NEDD9: variants seen among roughly 807,000 people sequenced by gnomAD.
The protein encoded by NEDD9 is enhancer of filamentation 1.
NEDD9 carries 26 observed loss-of-function variants against 76.6 expected under a neutral mutation model. That is an observed-to-expected ratio of 0.34 (90% confidence interval 0.25 to 0.47). The LOEUF is 0.47. NEDD9 is among the 20% of genes least tolerant of loss of function. The pLI is 1.00. For missense variants in NEDD9, 937 were observed against 1,058.5 expected (o/e 0.89, Z 1.59); for synonymous variants, 392 against 414.2 (o/e 0.95, Z 0.65).
In NEDD9 at chr6:11,241,572, A is replaced by G. The variant is rs1759707742; in HGVS notation, c.13-27845T>C. 6.6e-6 allele frequency among the ~76,000 whole-genome samples: 1 copy of G among 152,182 alleles called. No individual in the cohort carries two copies. The highest frequency in any genetic ancestry group is 2.4e-5 in the African/African-American group (1 of 41,438). On this transcript the variant is annotated intron_variant, in intron 3 of 3. Transcript: ENST00000397378. This position sits in a 1 kb window ranked among gnomAD's most constrained non-coding sequence, Gnocchi z 4.0. ...CAGCGCACACTGGCCTCCGGAAGCC[A>G]TCTTCCACACCAGCCATCCAGCATA... is the stretch of plus-strand genomic sequence containing the variant.
At chr6:11,285,582 A>T (rs191447146) in intron 3 of NEDD9, among the ~76,000 whole-genome samples, 147 of 152,336 alleles carry the variant, frequency 9.6e-4, no homozygotes, top group Non-Finnish European at 4.9e-4. Flanking sequence ...TCTTTATAAA[A>T]GAAGAACAAA....
At chr6:11,214,798 A>T (rs1240825928) in intron 1 of NEDD9, among the ~76,000 whole-genome samples, 1 of 152,186 alleles carries the variant, frequency 6.6e-6, no homozygotes, top group African/African-American at 2.4e-5. Context: ...CGGAACACTA[A>T]AAGTGAACTC....
chr6:11,358,260 A>G (rs1762617583), intron 1 of NEDD9, among the ~76,000 whole-genome samples: 1 of 151,062 alleles, frequency 6.6e-6, no homozygotes, highest in South Asian at 2.1e-4. Flanking sequence ...AAAAAAAAAA[A>G]AAAAAAAAAA....
chr6:11,245,524 G>T (rs1349211669), intron 3 of NEDD9, among the ~76,000 whole-genome samples: 2 of 152,100 alleles, frequency 1.3e-5, no homozygotes, highest in African/African-American at 4.8e-5. Context: ...CCAATATAAT[G>T]CTAGGCACCT....
At chr6:11,237,063 G>A (rs914290460), upstream of NEDD9, among the ~76,000 whole-genome samples, 1 of 152,000 alleles carries the variant, frequency 6.6e-6, no homozygotes, top group Non-Finnish European at 1.5e-5. This position sits in a 1 kb window ranked among gnomAD's most constrained non-coding sequence, Gnocchi z 4.9. Flanking sequence ...GTCAAGTTTG[G>A]CCTCAACACT....
chr6:11,191,997 C>G (rs965223852), intron 4 of NEDD9, among the ~76,000 whole-genome samples: 6 of 151,946 alleles, frequency 3.9e-5, no homozygotes, highest in Non-Finnish European at 8.8e-5. Context: ...AGAGCGAGAC[C>G]CTGTCTCAAA....
intron 6 of NEDD9, among the ~76,000 whole-genome samples, chr6:11,186,138 C>G (rs1757976793): frequency 6.6e-6 from 1 of 152,124 alleles, no homozygotes; most frequent in Non-Finnish European, 1.5e-5. Context: ...TCGACTATCT[C>G]AGGATGCTCA....
intron 1 of NEDD9, among the ~76,000 whole-genome samples, chr6:11,227,320 G>C (rs1289887906): frequency 1.3e-5 from 2 of 152,178 alleles, no homozygotes; most frequent in South Asian, 2.1e-4. Context: ...CATACAAAGA[G>C]AGCTGGAGCC....
At chr6:11,323,503 C>T (rs1761856193) in intron 2 of NEDD9, among the ~76,000 whole-genome samples, 1 of 152,204 alleles carries the variant, frequency 6.6e-6, no homozygotes, top group Admixed American at 6.5e-5. Context: ...GAGCATCTAG[C>T]AACGTCTGGA....
In NEDD9 at chr6:11,190,212, C is replaced by A. The variant is rs373356821; in HGVS notation, c.1657G>T (p.Ala553Ser). The A allele has an allele frequency of 4.3e-6, 7 of 1,614,062 alleles. No individual in the cohort carries two copies. In the African/African-American group the frequency reaches 8.0e-5, roughly 18 times the overall value. The change falls in exon 5 of 7, where the codon GCA becomes TCA. Residue 553 changes from alanine (A) to serine (S), a missense_variant. By Grantham distance (99) the Ala-to-Ser change is moderately conservative. Transcript: ENST00000379446. The surrounding 1 kb of genome is among the most constrained non-coding windows in gnomAD (Gnocchi z 5.8). ...GGGCCGGGTCTGAAGAGGGCCTCTGCGTTGGTGTTGATGGTTGTGGTGAGC... is the reference window on the plus strand; with the variant it reads ...GGGCCGGGTCTGAAGAGGGCCTCTGAGTTGGTGTTGATGGTTGTGGTGAGC... ...KQLTTTINTN[A>S]EALFRPGPGS...
Position 11,185,609 on chromosome 6 carries a change from C to T in NEDD9, c.2058G>A (p.Lys686=). The T allele has an allele frequency of 6.2e-7, 1 of 1,614,218 alleles. No homozygotes were observed. The highest frequency in any genetic ancestry group is 1.1e-5 in the South Asian group (1 of 91,090). Residue 686 remains lysine, a synonymous_variant, in exon 7 of 7, where the codon AAG becomes AAA. Coordinates refer to ENST00000379446, the MANE Select transcript of NEDD9 (RefSeq NM_006403.4). The part of the protein sequence containing the change: ...ITKPVENDIS[K]WKPSQSLPTT... Reference sequence around the variant, plus strand: ...TGGGTAGGCTCTGAGAGGGCTTCCACTTCGAGATGTCATTCTCCACGGGCT... The same window carrying T: ...TGGGTAGGCTCTGAGAGGGCTTCCATTTCGAGATGTCATTCTCCACGGGCT...
At chr6:11,379,838 T>G (rs1021555975) in intron 1 of NEDD9, among the ~76,000 whole-genome samples, 1 of 152,222 alleles carries the variant, frequency 6.6e-6, no homozygotes, top group African/African-American at 2.4e-5. Context: ...TTAGAGTAGC[T>G]TTAAGATCAG....
intron 3 of NEDD9, among the ~76,000 whole-genome samples, chr6:11,282,208 A>G (rs1760551184): frequency 6.6e-6 from 1 of 152,194 alleles, no homozygotes; most frequent in South Asian, 2.1e-4. Flanking sequence ...GTAGAGATTA[A>G]AAACGCCATC....
chr6:11,260,238 A>G (rs753602205), intron 3 of NEDD9, among the ~76,000 whole-genome samples: 2 of 152,198 alleles, frequency 1.3e-5, no homozygotes, highest in Non-Finnish European at 2.9e-5. Flanking sequence ...AGAGTAGAGA[A>G]TGTACATTGA....
chr6:11,261,959 C>G (rs1254379328), intron 3 of NEDD9, among the ~76,000 whole-genome samples: 2 of 152,180 alleles, frequency 1.3e-5, no homozygotes, highest in Admixed American at 1.3e-4. Context: ...ATAATTATTC[C>G]TAGTGGAAAC....
At chr6:11,235,073 A>C (rs534951216), upstream of NEDD9, among the ~76,000 whole-genome samples, 240 of 152,318 alleles carry the variant, frequency 1.6e-3, 1 homozygote, top group Non-Finnish European at 2.9e-3. The surrounding 1 kb of genome is among the most constrained non-coding windows in gnomAD (Gnocchi z 4.1). Context: ...AATACCTGCT[A>C]GCCTCATAAT....
At chr6:11,284,391 T>TAA (rs1168452567) in intron 3 of NEDD9, among the ~76,000 whole-genome samples, 2 of 70,236 alleles carry the variant, frequency 2.8e-5, no homozygotes, top group African/African-American at 5.1e-5. Flanking sequence ...CCGTCTCTAC[T>TAA]AAAAAAAAAA....
At chr6:11,262,395 C>G (rs111370731) in intron 3 of NEDD9, among the ~76,000 whole-genome samples, 3,781 of 152,322 alleles carry the variant, frequency 0.025, 153 homozygotes, top group African/African-American at 0.085. Context: ...CCACCCCATA[C>G]CCTCCCAGAC....
At position 11,237,778 on chromosome 6, in the gene NEDD9, G is replaced by A. The variant is rs540352785; in HGVS notation, c.13-24051C>T. 2.0e-4 allele frequency among the ~76,000 whole-genome samples: 31 copies of A among 152,180 alleles called. No homozygotes were observed. The East Asian group carries it at 2.9e-3, about 14-fold the overall frequency. Reference sequence around the variant, plus strand: ...ATTTGGTTGTCTCTAGAAGTTTGCCGACCCACACTCTAGATTAGTGCAAGG... The same window carrying A: ...ATTTGGTTGTCTCTAGAAGTTTGCCAACCCACACTCTAGATTAGTGCAAGG... On this transcript the variant is annotated intron_variant, in intron 3 of 3. Transcript: ENST00000397378. The surrounding 1 kb of genome is among the most constrained non-coding windows in gnomAD (Gnocchi z 4.9).
Sources: allele counts gnomAD v4.1 joint callset (sites outside exome capture counted in the v4.1 genomes callset), GRCh38; gene constraint gnomAD v4.1.1; non-coding constraint Gnocchi (gnomAD v3.1); transcripts MANE v1.5; gene names NCBI Gene and HGNC (gene_info 2026-07-23, HGNC 2026-07-21).